Variants in CADPS2 observed in about 807,000 individuals in gnomAD.
CADPS2 encodes the protein calcium dependent secretion activator 2, also known as calcium-dependent secretion activator 2.
In CADPS2, 93 loss-of-function variants were observed where a neutral mutation model predicts 172.5. That is an observed-to-expected ratio of 0.54 (90% CI 0.46 to 0.64). The LOEUF (loss-of-function observed/expected upper bound fraction) is 0.64, where lower values mean the gene tolerates loss of function less well. Among genes scored for constraint, CADPS2 ranks in the 30% least tolerant of loss-of-function variants. CADPS2 has a pLI of 0.00. For missense variants in CADPS2, 1,420 were observed against 1,565.9 expected, an observed-to-expected ratio of 0.91 and a Z score of 1.57; for synonymous variants, 546 against 555.2, an observed-to-expected ratio of 0.98 and a Z score of 0.23.
At chr7:122,710,819 G>A (rs1170726753) in intron 2 of CADPS2, among the ~76,000 whole-genome samples, 3 of 151,928 alleles carry the variant, frequency 2.0e-5, no homozygotes, top group Non-Finnish European at 2.9e-5. Context: ...ATAATTAGAG[G>A]CATATATGTC....
chr7:122,396,724 C>T (rs902414169), intron 20 of CADPS2, among the ~76,000 whole-genome samples: 1 of 152,186 alleles, frequency 6.6e-6, no homozygotes, highest in Non-Finnish European at 1.5e-5. Context: ...CAATTACTGG[C>T]TTCTCTTGTT....
chr7:122,790,026 G>GTTTTTTTTTTTTTTTTTTTT (rs771290127), intron 1 of CADPS2, among the ~76,000 whole-genome samples: 1 of 141,076 alleles, frequency 7.1e-6, no homozygotes, highest in African/African-American at 2.7e-5. Flanking sequence ...CAAATATTAA[G>GTTTTTTTTTTTTTTTTTTTT]TGTTTTTTTT....
intron 4 of CADPS2, among the ~76,000 whole-genome samples, chr7:122,625,783 CCA>C (rs373750217): frequency 6.6e-6 from 1 of 151,570 alleles, no homozygotes; most frequent in Non-Finnish European, 1.5e-5. Context: ...CCCTGCCCTC[CCA>C]CACACACACA....
At chr7:122,722,907 C>A (rs1207263696) in intron 2 of CADPS2, among the ~76,000 whole-genome samples, 1 of 151,856 alleles carries the variant, frequency 6.6e-6, no homozygotes, top group Non-Finnish European at 1.5e-5. Context: ...TTTGACAAAC[C>A]TGACAAAAAC....
intron 2 of CADPS2, among the ~76,000 whole-genome samples, chr7:122,707,810 A>G (rs1051903704): frequency 6.6e-6 from 1 of 151,334 alleles, no homozygotes; most frequent in Non-Finnish European, 1.5e-5. Context: ...ATATATATAT[A>G]TATGTTATTA....
chr7:122,593,466 C>T (rs529395447), intron 6 of CADPS2, among the ~76,000 whole-genome samples: 8 of 152,020 alleles, frequency 5.3e-5, no homozygotes, highest in Admixed American at 2.0e-4. Context: ...AGACCCGGGG[C>T]GAGCAACTTT....
chr7:122,449,483 T>G (rs112412602), intron 15 of CADPS2, among the ~76,000 whole-genome samples: 2 of 151,986 alleles, frequency 1.3e-5, no homozygotes, highest in African/African-American at 4.8e-5. Context: ...ACCCAGATAA[T>G]TTTTTAGTTT....
In CADPS2 at chr7:122,681,368, G is replaced by A; in HGVS notation, c.454-17799C>T. The A allele has an allele frequency of 2.7e-6, 4 of 1,500,026 alleles. No individual in the cohort carries two copies. In the South Asian group the frequency reaches 3.4e-5, roughly 13 times the overall value. 92.9% of individuals were successfully genotyped at this position (1,500,026 alleles called of 1,614,324 possible). On this transcript the variant is annotated intron_variant, in intron 2 of 29. Coordinates refer to ENST00000449022, the MANE Select transcript of CADPS2 (RefSeq NM_017954.11). Reference sequence around the variant, plus strand: ...GTGCCAAAAAGGGCCGCGGCCACGTGCAACCTGTTCGCTGTACTAACTGTG... The same window carrying A: ...GTGCCAAAAAGGGCCGCGGCCACGTACAACCTGTTCGCTGTACTAACTGTG...
chr7:122,667,825 GAAC>G (rs958649069), intron 2 of CADPS2, among the ~76,000 whole-genome samples: 1 of 151,730 alleles, frequency 6.6e-6, no homozygotes, highest in African/African-American at 2.4e-5. Flanking sequence ...GAAAATAAAA[GAAC>G]AACAGCAATA....
In CADPS2 at chr7:122,615,168, T is replaced by C. The variant is rs1012467448; in HGVS notation, c.1223+13A>G. 2.7e-6 allele frequency: 4 copies of C among 1,461,822 alleles called. No homozygotes were observed. Among genetic ancestry groups the C allele is most frequent in the Non-Finnish European group, 3.7e-6 (4 of 1,076,002 alleles). 90.6% of individuals were successfully genotyped at this position (1,461,822 alleles called of 1,614,324 possible). On this transcript the variant is annotated intron_variant, in intron 6 of 29. Transcript: ENST00000449022. ...AAACAACAACAATAATACACTTTTTTCAACTGGCTTACTGTGGCCTTGAGG... is the reference window on the plus strand; with the variant it reads ...AAACAACAACAATAATACACTTTTTCCAACTGGCTTACTGTGGCCTTGAGG...
chr7:122,663,624 T>C (rs1208181791), intron 2 of CADPS2, 55 bp from the exon 3 acceptor site: 5 of 1,302,120 alleles, frequency 3.8e-6, no homozygotes, highest in South Asian at 2.9e-5. Context: ...TAGGTGTAGA[T>C]GCTAACACCA....
chr7:122,646,572 T>C (rs1308139889), intron 3 of CADPS2, among the ~76,000 whole-genome samples: 3 of 151,870 alleles, frequency 2.0e-5, no homozygotes, highest in African/African-American at 4.8e-5. Flanking sequence ...TCCAAGAAAA[T>C]ACATGGTGTG....
chr7:122,618,870 A>C (rs1204161377), intron 5 of CADPS2, among the ~76,000 whole-genome samples: 1 of 152,192 alleles, frequency 6.6e-6, no homozygotes, highest in Non-Finnish European at 1.5e-5. Context: ...TTGTTGCTGG[A>C]CACATAACTC....
rs2088991909 is a variant in CADPS2, at chr7:122,712,937, T to A, written c.453+24018A>T. Among the ~76,000 whole-genome samples the A allele has an allele frequency of 2.0e-5, 3 of 151,958 alleles. No homozygotes were observed. The South Asian group carries it at 6.2e-4, about 32-fold the overall frequency. On this transcript the variant is annotated intron_variant, in intron 2 of 29. Coordinates refer to ENST00000449022, the MANE Select transcript of CADPS2 (RefSeq NM_017954.11). ...ACCTCCCAAAGTCCCCACCTCCTAA[T>A]ACCATCACCTTGGGGGTCAAGATTT...
intron 6 of CADPS2, among the ~76,000 whole-genome samples, chr7:122,585,150 G>A (rs764628144): frequency 3.9e-5 from 6 of 151,912 alleles, no homozygotes; most frequent in Non-Finnish European, 7.4e-5. Flanking sequence ...CAGGCCAGAA[G>A]ACAAAGCTTT....
intron 7 of CADPS2, among the ~76,000 whole-genome samples, chr7:122,576,422 T>A (rs1295956751): frequency 6.6e-6 from 1 of 152,192 alleles, no homozygotes; most frequent in African/African-American, 2.4e-5. Flanking sequence ...ATGTCATACC[T>A]GTAGAGTACA....
intron 29 of CADPS2, among the ~76,000 whole-genome samples, chr7:122,321,656 T>G (rs1457096072): frequency 1.3e-5 from 2 of 151,972 alleles, no homozygotes; most frequent in South Asian, 2.1e-4. Context: ...GCCCAGCTAA[T>G]TTTTGTGTTT....
intron 7 of CADPS2, among the ~76,000 whole-genome samples, chr7:122,571,513 A>G (rs557781217): frequency 6.6e-6 from 1 of 152,280 alleles, no homozygotes; most frequent in African/African-American, 2.4e-5. Context: ...TCTACAGTGA[A>G]GACTCAGGCC....
intron 1 of CADPS2, among the ~76,000 whole-genome samples, chr7:122,842,952 T>C (rs1370021089): frequency 1.3e-5 from 2 of 152,210 alleles, no homozygotes; most frequent in East Asian, 3.9e-4. Flanking sequence ...ACCACAATAC[T>C]AGGAAAATGT....
Sources: allele counts gnomAD v4.1 joint callset (sites outside exome capture counted in the v4.1 genomes callset), GRCh38; gene constraint gnomAD v4.1.1; transcripts MANE v1.5; gene names NCBI Gene and HGNC (gene_info 2026-07-23, HGNC 2026-07-21).